Variants in CCDC138 observed in about 807,000 individuals in gnomAD.
CCDC138 encodes coiled-coil domain containing 138, also known as coiled-coil domain-containing protein 138.
A neutral mutation model predicts 82.3 loss-of-function variants in CCDC138; 66 were observed. The ratio of observed to expected loss-of-function variants is 0.80; its 90% CI spans 0.66 to 0.98. CCDC138 has a LOEUF of 0.98. CCDC138 is among the 50% of genes least tolerant of loss of function. The pLI is 0.00. For missense variants in CCDC138, 816 were observed against 758.9 expected (o/e 1.08, Z -0.88); for synonymous variants, 297 against 265.4 (o/e 1.12, Z -1.16).
At chr2:108,851,168 C>G (rs946527507) in intron 12 of CCDC138, among the ~76,000 whole-genome samples, 1 of 152,122 alleles carries the variant, frequency 6.6e-6, no homozygotes, top group Non-Finnish European at 1.5e-5. Flanking sequence ...AAGAGAGAGA[C>G]AGAGCAAGGT....
chr2:108,830,363 C>G (rs1166362457), intron 10 of CCDC138, among the ~76,000 whole-genome samples: 1 of 152,210 alleles, frequency 6.6e-6, no homozygotes, highest in Non-Finnish European at 1.5e-5. Context: ...TGTGATTACA[C>G]TTAATGCCAT....
chr2:108,790,543 A>G (rs574069804), intron 3 of CCDC138, among the ~76,000 whole-genome samples: 1 of 152,240 alleles, frequency 6.6e-6, no homozygotes, highest in Admixed American at 6.5e-5. Flanking sequence ...CTTAGCATAG[A>G]TAACAAAAAT....
chr2:108,876,080 T>G lies in CCDC138; in HGVS notation c.1833-8T>G. ...TGTAATTAAATAATGTATTCATTTT[T>G]TTTACAGGAGTAATAAGAAGCTCTT... On this transcript the variant is annotated splice_polypyrimidine_tract_variant and splice_region_variant and intron_variant, in intron 14 of 14. Coordinates refer to ENST00000295124, the MANE Select transcript of CCDC138 (RefSeq NM_144978.3). The G allele has an allele frequency of 6.4e-7, 1 of 1,553,026 alleles. No individual in the cohort carries two copies.
chr2:108,868,690 A>G (rs985389224), intron 13 of CCDC138, among the ~76,000 whole-genome samples: 1 of 152,204 alleles, frequency 6.6e-6, no homozygotes, highest in Admixed American at 6.5e-5. Context: ...AAGAACAGAT[A>G]TAATTGGCAC....
intron 11 of CCDC138, among the ~76,000 whole-genome samples, chr2:108,844,390 T>C (rs1352944502): frequency 7.1e-6 from 1 of 141,480 alleles, no homozygotes; most frequent in African/African-American, 2.4e-5. Flanking sequence ...TTCTGAAATA[T>C]TCACTTGGTT....
chr2:108,792,779 C>T (rs1048905897), intron 4 of CCDC138, among the ~76,000 whole-genome samples: 11 of 152,106 alleles, frequency 7.2e-5, no homozygotes, highest in African/African-American at 2.4e-4. Flanking sequence ...AACCACTGAG[C>T]GTCGGCCAGG....
At chr2:108,880,009 T>C (rs1331028961), downstream of CCDC138, among the ~76,000 whole-genome samples, 2 of 152,124 alleles carry the variant, frequency 1.3e-5, no homozygotes, top group East Asian at 1.9e-4. Context: ...AAGCATGTGG[T>C]TGAGCTGGTG....
intron 4 of CCDC138, among the ~76,000 whole-genome samples, chr2:108,792,187 A>G (rs1374162266): frequency 6.6e-6 from 1 of 152,168 alleles, no homozygotes; most frequent in Non-Finnish European, 1.5e-5. Context: ...CGGGATTTCA[A>G]GGAATGAGAC....
chr2:108,871,802 A>T (rs1183698404), intron 13 of CCDC138, among the ~76,000 whole-genome samples: 2 of 152,168 alleles, frequency 1.3e-5, no homozygotes, highest in Non-Finnish European at 2.9e-5. Context: ...GATTTTTAAA[A>T]GTGATATTGC....
chr2:108,787,623 C>G (rs1353655766), intron 1 of CCDC138, among the ~76,000 whole-genome samples: 2 of 152,100 alleles, frequency 1.3e-5, no homozygotes, highest in South Asian at 2.1e-4. Context: ...GCAGATCCGA[C>G]CCAAGAACGA....
At chr2:108,855,224 G>A (rs1692381309) in intron 12 of CCDC138, among the ~76,000 whole-genome samples, 1 of 152,048 alleles carries the variant, frequency 6.6e-6, no homozygotes, top group South Asian at 2.1e-4. Flanking sequence ...AAAAGATAAG[G>A]TCACTTGTGA....
intron 10 of CCDC138, among the ~76,000 whole-genome samples, chr2:108,833,894 A>ATTTTT (rs749488565): frequency 4.0e-4 from 32 of 79,214 alleles, no homozygotes; most frequent in African/African-American, 1.6e-3. Context: ...CGCCCGGCTA[A>ATTTTT]TTTTTTTTTT....
At chr2:108,824,499 G>A (rs1458259263) in intron 10 of CCDC138, among the ~76,000 whole-genome samples, 1 of 152,010 alleles carries the variant, frequency 6.6e-6, no homozygotes, top group Non-Finnish European at 1.5e-5. Context: ...AAGGTCTTCG[G>A]GGCAATAACA....
chr2:108,852,466 G>A (rs1013193089), intron 12 of CCDC138, among the ~76,000 whole-genome samples: 4 of 152,164 alleles, frequency 2.6e-5, no homozygotes, highest in Admixed American at 1.3e-4. Context: ...GTTCATTGCA[G>A]CACTGTTCAC....
At chr2:108,877,308 A>G (rs1696095916), downstream of CCDC138, among the ~76,000 whole-genome samples, 1 of 151,362 alleles carries the variant, frequency 6.6e-6, no homozygotes, top group South Asian at 2.1e-4. Flanking sequence ...TCTCTACAAA[A>G]AAAAACAGAA....
At chr2:108,880,852 GAT>G (rs1165472977), downstream of CCDC138, among the ~76,000 whole-genome samples, 1 of 152,164 alleles carries the variant, frequency 6.6e-6, no homozygotes, top group East Asian at 1.9e-4. Flanking sequence ...TTCCATGCCT[GAT>G]AACATAACAT....
chr2:108,818,636 A>G (rs1245853930), intron 10 of CCDC138, among the ~76,000 whole-genome samples: 1 of 152,214 alleles, frequency 6.6e-6, no homozygotes, highest in Non-Finnish European at 1.5e-5. Flanking sequence ...AGGTATTCAC[A>G]TCTCTTTAGG....
chr2:108,817,073 A>C (rs985699194), intron 10 of CCDC138, among the ~76,000 whole-genome samples: 1 of 152,202 alleles, frequency 6.6e-6, no homozygotes, highest in African/African-American at 2.4e-5. Context: ...TTTGGAGGAA[A>C]CAAACGTTCA....
intron 6 of CCDC138, among the ~76,000 whole-genome samples, chr2:108,802,819 A>T (rs987162544): frequency 6.6e-6 from 1 of 152,094 alleles, no homozygotes; most frequent in African/African-American, 2.4e-5. Flanking sequence ...TACCTAATTT[A>T]TTGAGAGTTT....
Sources: allele counts gnomAD v4.1 joint callset (sites outside exome capture counted in the v4.1 genomes callset), GRCh38; gene constraint gnomAD v4.1.1; transcripts MANE v1.5; gene names NCBI Gene and HGNC (gene_info 2026-07-23, HGNC 2026-07-21).